CCDC6: variants seen among roughly 807,000 people sequenced by gnomAD.
CCDC6 encodes the protein coiled-coil domain-containing protein 6.
CCDC6 carries 20 observed loss-of-function variants against 56.6 expected under a neutral mutation model. The ratio of observed to expected loss-of-function variants is 0.35; its 90% CI spans 0.25 to 0.51. The LOEUF is 0.51. Ranked by LOEUF, CCDC6 falls within the 20% of genes least tolerant of loss-of-function variation. CCDC6 has a pLI of 0.95. For synonymous variants in CCDC6, 241 were observed against 234.4 expected, an observed-to-expected ratio of 1.03 and a Z score of -0.26; for missense variants, 367 against 601.1, an observed-to-expected ratio of 0.61 and a Z score of 4.07.
At chr10:59,801,944 A>C (rs2070580015) in intron 7 of CCDC6, among the ~76,000 whole-genome samples, 1 of 152,128 alleles carries the variant, frequency 6.6e-6, no homozygotes. Flanking sequence ...CCAGCTCTAG[A>C]AACATTCATT....
intron 1 of CCDC6, among the ~76,000 whole-genome samples, chr10:59,894,749 G>A (rs1018682950): frequency 2.0e-5 from 3 of 152,132 alleles, no homozygotes; most frequent in African/African-American, 7.2e-5. Flanking sequence ...GCTGAACAGG[G>A]TGCAGGAGTG....
At chr10:59,798,780 G>A (rs113311903) in intron 7 of CCDC6, among the ~76,000 whole-genome samples, 2,316 of 152,104 alleles carry the variant, frequency 0.015, 21 homozygotes, top group Middle Eastern at 0.058. Flanking sequence ...GGATCACGAG[G>A]TCAGGAGTTC....
intron 1 of CCDC6, among the ~76,000 whole-genome samples, chr10:59,853,511 G>A (rs916066278): frequency 2.0e-5 from 3 of 152,124 alleles, no homozygotes; most frequent in African/African-American, 4.8e-5. Flanking sequence ...ACCAGCCTGG[G>A]TGACAGAGTA....
chr10:59,902,386 CTCTTT>C (rs1205955850), intron 1 of CCDC6, among the ~76,000 whole-genome samples: 1 of 119,826 alleles, frequency 8.3e-6, no homozygotes, highest in African/African-American at 3.0e-5. Flanking sequence ...GCAACAGTAA[CTCTTT>C]TTTTTTTTTT....
Position 59,803,669 on chromosome 10 carries a change from G to C in CCDC6, c.1105+751C>G, listed in dbSNP as rs375195134. On this transcript the variant is annotated intron_variant, in intron 7 of 8. Coordinates refer to ENST00000263102, the MANE Select transcript of CCDC6 (RefSeq NM_005436.5). ...TCAGCTACTTGCCTCCCTGGCCTGAGAGCCCCATGCCATGCTGGTATTGAG... is the reference window on the plus strand; with the variant it reads ...TCAGCTACTTGCCTCCCTGGCCTGACAGCCCCATGCCATGCTGGTATTGAG... Among the ~76,000 whole-genome samples, 10 of 152,288 alleles carry C rather than the reference G, an allele frequency of 6.6e-5. No homozygotes were observed. In the South Asian group the frequency reaches 2.1e-3, roughly 32 times the overall value.
At chr10:59,814,489 A>G (rs1180582471) in intron 4 of CCDC6, among the ~76,000 whole-genome samples, 163 bp downstream of exon 4, 2 of 152,194 alleles carry the variant, frequency 1.3e-5, no homozygotes, top group Admixed American at 6.5e-5. Flanking sequence ...CAACATGGGA[A>G]TAGTTCAGAA....
At chr10:59,883,395 A>G (rs944212406) in intron 1 of CCDC6, among the ~76,000 whole-genome samples, 3 of 152,110 alleles carry the variant, frequency 2.0e-5, no homozygotes, top group Non-Finnish European at 4.4e-5. Flanking sequence ...AAAAACTAAG[A>G]CGTACTCCGA....
intron 1 of CCDC6, among the ~76,000 whole-genome samples, chr10:59,896,981 C>A (rs1047674309): frequency 6.6e-6 from 1 of 150,644 alleles, no homozygotes. Context: ...GGACATAAAC[C>A]CTTACCAGGT....
intron 5 of CCDC6, among the ~76,000 whole-genome samples, chr10:59,811,868 T>C (rs1380118711): frequency 6.6e-6 from 1 of 152,054 alleles, no homozygotes; most frequent in Non-Finnish European, 1.5e-5. Context: ...ACTAGCACAG[T>C]TCAAACCCGT....
chr10:59,804,995 C>T (rs1305355828), intron 6 of CCDC6: 1 of 162,472 alleles, frequency 6.2e-6, no homozygotes, highest in Non-Finnish European at 1.4e-5. Context: ...CAACTGTTTA[C>T]AAGCAAGCCC....
At chr10:59,888,093 G>T (rs140048354) in intron 1 of CCDC6, among the ~76,000 whole-genome samples, 51 of 152,324 alleles carry the variant, frequency 3.3e-4, no homozygotes, top group African/African-American at 1.2e-3. Flanking sequence ...GGAGATTCTG[G>T]GCAAAGACTG....
chr10:59,858,530 G>C (rs1204288162), intron 1 of CCDC6, among the ~76,000 whole-genome samples: 1 of 152,174 alleles, frequency 6.6e-6, no homozygotes, highest in African/African-American at 2.4e-5. Context: ...GAATTCTTAA[G>C]TTACTAAATT....
chr10:59,838,914 T>C (rs2070910566), intron 2 of CCDC6, among the ~76,000 whole-genome samples: 3 of 152,208 alleles, frequency 2.0e-5, no homozygotes, highest in Admixed American at 2.0e-4. Flanking sequence ...CTCAGCATAA[T>C]GTGCACTCAC....
At chr10:59,813,929 A>G (rs2070692209) in intron 4 of CCDC6, among the ~76,000 whole-genome samples, 1 of 152,196 alleles carries the variant, frequency 6.6e-6, no homozygotes. Flanking sequence ...GGCTCTGGGT[A>G]GCAAACAAAA....
chr10:59,859,492 G>A (rs1048985891), intron 1 of CCDC6, among the ~76,000 whole-genome samples: 2 of 152,146 alleles, frequency 1.3e-5, no homozygotes, highest in Non-Finnish European at 2.9e-5. Context: ...AGGCAGGTTT[G>A]AAAAGAAAAC....
At chr10:59,848,419 C>T (rs936186291) in intron 2 of CCDC6, among the ~76,000 whole-genome samples, 1 of 152,156 alleles carries the variant, frequency 6.6e-6, no homozygotes, top group Non-Finnish European at 1.5e-5. Context: ...TAGCTCACAC[C>T]TATAATCCCA....
At chr10:59,794,934 A>C (rs1044465573) in intron 7 of CCDC6, among the ~76,000 whole-genome samples, 1 of 152,152 alleles carries the variant, frequency 6.6e-6, no homozygotes, top group Non-Finnish European at 1.5e-5. Context: ...ACTGGACCTT[A>C]TCTCTTACAC....
intron 2 of CCDC6, among the ~76,000 whole-genome samples, chr10:59,837,395 A>G (rs1233440669): frequency 6.6e-6 from 1 of 152,120 alleles, no homozygotes; most frequent in Non-Finnish European, 1.5e-5. Flanking sequence ...GTCCTTGCCA[A>G]CCGAAGCAAG....
intron 1 of CCDC6, among the ~76,000 whole-genome samples, chr10:59,859,758 G>A (rs1191497138): frequency 6.6e-6 from 1 of 152,154 alleles, no homozygotes; most frequent in Non-Finnish European, 1.5e-5. Context: ...AACTGAAGAC[G>A]ATGGCTGGGA....
Sources: gnomAD v4.1 joint callset for allele counts (sites outside exome capture counted in the v4.1 genomes callset) on GRCh38, gnomAD v4.1.1 for gene constraint, MANE v1.5 for transcripts, NCBI Gene and HGNC (gene_info 2026-07-23, HGNC 2026-07-21) for gene names.